Variants in RASSF1 observed in about 807,000 individuals in gnomAD.
RASSF1 encodes the protein Ras association domain family member 1.
RASSF1 carries 33 observed loss-of-function variants against 34.3 expected under a neutral mutation model. The observed-to-expected ratio is 0.96, with a 90% CI of 0.73 to 1.29. The LOEUF is 1.29. RASSF1 is among the 50% of genes most tolerant of loss of function. The pLI, the probability that RASSF1 is intolerant of heterozygous loss-of-function variation, is 0.00. For missense variants in RASSF1, 445 were observed against 471.8 expected, an observed-to-expected ratio of 0.94 and a Z score of 0.53; for synonymous variants, 191 against 195.0, an observed-to-expected ratio of 0.98 and a Z score of 0.17.
intron 2 of RASSF1, chr3:50,337,340 C>G: frequency 1.9e-6 from 3 of 1,607,742 alleles, no homozygotes; most frequent in Non-Finnish European, 1.7e-6. Flanking sequence ...GCCCGTCCCC[C>G]AGTCCTGCGC....
At chr3:50,337,352 T>C in intron 2 of RASSF1, 3 of 1,605,124 alleles carry the variant, frequency 1.9e-6, no homozygotes, top group Non-Finnish European at 2.6e-6. Context: ...GTCCTGCGCG[T>C]CCGTAGCCGC....
intron 1 of RASSF1, 166 bp from the exon 2 acceptor site, chr3:50,338,177 C>T: frequency 7.1e-7 from 1 of 1,417,136 alleles, no homozygotes; most frequent in South Asian, 1.5e-5. Flanking sequence ...TGTTGGCCAC[C>T]TGGGCGTCTG....
At chr3:50,337,436 G>T (rs1281518350) in intron 2 of RASSF1, 4 of 1,576,150 alleles carry the variant, frequency 2.5e-6, no homozygotes, top group Non-Finnish European at 2.6e-6. Flanking sequence ...GAGCCGCGCC[G>T]CAACCGTTAA....
intron 1 of RASSF1, chr3:50,338,266 T>G: frequency 8.3e-7 from 1 of 1,211,792 alleles, no homozygotes; most frequent in Non-Finnish European, 1.0e-6. Flanking sequence ...ACTTCCCCTT[T>G]CCTCATTGGC....
chr3:50,337,122 A>G, intron 2 of RASSF1: 1 of 1,524,296 alleles, frequency 6.6e-7, no homozygotes, highest in Non-Finnish European at 8.8e-7. Context: ...GGGAGGGCGG[A>G]GCTCCAGCGA....
At position 50,336,093 on chromosome 3, in the gene RASSF1, G is replaced by T. The variant is rs587625851; in HGVS notation, c.357+1812C>A. Among the ~76,000 whole-genome samples, 16 of 152,292 alleles carry T rather than the reference G, an allele frequency of 1.1e-4. 1 individual carries two copies. In the South Asian group the frequency reaches 3.1e-3, roughly 30 times the overall value. On this transcript the variant is annotated intron_variant, in intron 2 of 5. Coordinates refer to ENST00000359365, the MANE Select transcript of RASSF1 (RefSeq NM_007182.5). The stretch of plus-strand genomic sequence containing the variant: ...CTCCTTTTCAATTGGTTAGTGTCTT[G>T]TGGTTTTCCCACCTTTCCACAGTGG...
At position 50,340,740 on chromosome 3, in the gene RASSF1, G is replaced by A; in HGVS notation, c.66C>T (p.Gly22=). 1.3e-6 allele frequency: 2 copies of A among 1,514,436 alleles called. No homozygotes were observed. Among genetic ancestry groups the A allele is most frequent in the Non-Finnish European group, 1.8e-6 (2 of 1,140,778 alleles). The allele number at this position is 1,514,436 out of a possible 1,614,324, so 93.8% of individuals were successfully genotyped here. ...ELAPAGRAGK[G]RTRLERANAL... is the part of the protein sequence containing the mutation. ...CGTTGGCACGCTCCAGCCGGGTGCG[G>A]CCCTTCCCAGCGCGCCCAGCGGGTG... Residue 22 remains glycine, a synonymous_variant, in exon 1 of 6, where the codon GGC becomes GGT. Coordinates refer to ENST00000359365, the MANE Select transcript of RASSF1 (RefSeq NM_007182.5).
chr3:50,331,195 T>C, intron 5 of RASSF1, 139 bp downstream of exon 5: 1 of 661,904 alleles, frequency 1.5e-6, no homozygotes, highest in African/African-American at 1.9e-5. Flanking sequence ...GCCTTTGCTT[T>C]AGTTACAATG....
chr3:50,338,355 C>T (rs1703240865), intron 1 of RASSF1: 2 of 336,616 alleles, frequency 5.9e-6, no homozygotes, highest in East Asian at 1.2e-4. Flanking sequence ...TTTCGGCTCA[C>T]CGCAACCTCC....
chr3:50,337,703 C>T lies in RASSF1; in HGVS notation c.357+202G>A, dbSNP rs587712624. On this transcript the variant is annotated intron_variant, in intron 2 of 5. Coordinates refer to ENST00000359365, the MANE Select transcript of RASSF1 (RefSeq NM_007182.5). ...GCCTGGGTCAGCCTGGGCCCGGGTC[C>T]GCTTGCAGCGGGTGGAGTACTTGCG... The T allele has an allele frequency of 8.7e-5, 73 of 837,998 alleles. 1 individual carries two copies. The South Asian group carries it at 1.2e-3, about 14-fold the overall frequency. The allele number at this position is 837,998 out of a possible 1,614,324, so 51.9% of individuals were successfully genotyped here.
In RASSF1 at chr3:50,331,807, A is replaced by G. The variant is rs755328282; in HGVS notation, c.512T>C (p.Val171Ala). ...TGFIKVQLKL[V>A]RPVSVPSSKK... ...GCTGGAGGGCACAGAGACAGGGCGC[A>G]CCAGCTTCAGCTGAACCTTGATGAA... Residue 171 changes from valine to alanine, a missense_variant, in exon 4 of 6, where the codon GTG becomes GCG. By Grantham distance (64) the Val-to-Ala change is moderately conservative. Coordinates refer to ENST00000359365, the MANE Select transcript of RASSF1 (RefSeq NM_007182.5). 2.0e-5 allele frequency: 32 copies of G among 1,594,602 alleles called. No individual in the cohort carries two copies. The highest frequency in any genetic ancestry group is 2.7e-5 in the Non-Finnish European group (32 of 1,165,638).
At chr3:50,332,197 C>T (rs751427485) in intron 2 of RASSF1, 43 bp from the exon 3 acceptor site, 2 of 1,569,356 alleles carry the variant, frequency 1.3e-6, no homozygotes, top group Non-Finnish European at 1.8e-6. Flanking sequence ...TTGAGGAACC[C>T]AGGGCTTCTC....
chr3:50,338,970 A>G (rs1464637626), intron 1 of RASSF1, among the ~76,000 whole-genome samples: 1 of 152,124 alleles, frequency 6.6e-6, no homozygotes, highest in African/African-American at 2.4e-5. Context: ...CTCAACTTCC[A>G]TATCTCACGA....
chr3:50,331,400 G>A lies in RASSF1; in HGVS notation c.810C>T (p.Leu270=). The A allele has an allele frequency of 1.9e-6, 3 of 1,606,848 alleles. No individual in the cohort carries two copies. The highest frequency in any genetic ancestry group is 1.7e-5 in the Admixed American group (1 of 59,128). ...LDDEQPLRLR[L]LAGPSDKALS... is the part of the protein sequence containing the mutation. Reference sequence around the variant, plus strand: ...GGGCCTTGTCACTGGGCCCTGCCAGGAGCCGCAGCCGCAGGGGCTGCTCAT... The same window carrying A: ...GGGCCTTGTCACTGGGCCCTGCCAGAAGCCGCAGCCGCAGGGGCTGCTCAT... The change falls in exon 5 of 6, where the codon CTC becomes CTT. Residue 270 remains leucine, a synonymous_variant. Coordinates refer to ENST00000359365, the MANE Select transcript of RASSF1 (RefSeq NM_007182.5).
rs1458916688 is a variant in RASSF1 at position 50,337,910 on chromosome 3, T to C, written c.352A>G (p.Asn118Asp). ...GWEPAVERDT[N>D]VDEPVEWETP... is the part of the protein sequence containing the mutation. ...GCCCTCGGCCCCGCGCTCACCACGTTCGTGTCCCGCTCCACCGCGGGTTCC... is the reference window on the plus strand; with the variant it reads ...GCCCTCGGCCCCGCGCTCACCACGTCCGTGTCCCGCTCCACCGCGGGTTCC... The change falls in exon 2 of 6, where the codon AAC becomes GAC. Residue 118 changes from asparagine to aspartate, a missense_variant. Physicochemically the swap from Asn to Asp is conservative, Grantham distance 23 (BLOSUM62 1). Transcript: ENST00000359365. 6.2e-7 allele frequency: 1 copy of C among 1,605,704 alleles called. No homozygotes were observed. The highest frequency in any genetic ancestry group is 2.2e-5 in the East Asian group (1 of 44,808).
intron 1 of RASSF1, 111 bp from the exon 2 acceptor site, chr3:50,338,122 C>G (rs1703232233): frequency 1.0e-5 from 15 of 1,492,138 alleles, no homozygotes; most frequent in Non-Finnish European, 1.3e-5. Flanking sequence ...TCCGCAGGCC[C>G]GACCTATCTC....
At chr3:50,340,525 G>A in intron 1 of RASSF1, 31 bp downstream of exon 1, 1 of 1,446,300 alleles carries the variant, frequency 6.9e-7, no homozygotes, top group South Asian at 1.4e-5. Context: ...TGCCCCTTCC[G>A]CTCTCGTAGG....
intron 2 of RASSF1, among the ~76,000 whole-genome samples, chr3:50,333,928 C>T (rs935321886): frequency 1.3e-5 from 2 of 152,222 alleles, no homozygotes; most frequent in African/African-American, 4.8e-5. Context: ...AGCCTTACTT[C>T]CTGTTGACGT....
intron 2 of RASSF1, among the ~76,000 whole-genome samples, chr3:50,335,871 A>T (rs1268247621): frequency 6.6e-6 from 1 of 151,678 alleles, no homozygotes; most frequent in Non-Finnish European, 1.5e-5. Context: ...CTCCCAAAGC[A>T]TTGGCATTAG....
Sources: gnomAD v4.1 joint callset for allele counts (sites outside exome capture counted in the v4.1 genomes callset) on GRCh38, gnomAD v4.1.1 for gene constraint, MANE v1.5 for transcripts, NCBI Gene and HGNC (gene_info 2026-07-23, HGNC 2026-07-21) for gene names.